The following LMO7 variants were observed in gnomAD, a reference collection of about 807,000 sequenced individuals.
LMO7 encodes LIM domain 7.
LMO7 carries 120 observed loss-of-function variants against 206.5 expected under a neutral mutation model. The observed-to-expected ratio is 0.58, with a 90% CI of 0.50 to 0.68. The LOEUF (loss-of-function observed/expected upper bound fraction) is 0.68, where lower values mean the gene tolerates loss of function less well. LMO7 is among the 30% of genes least tolerant of loss of function. The probability of loss-of-function intolerance (pLI) is 0.00; values close to 1 mark genes in which losing one functional copy is unlikely to be tolerated. For missense variants in LMO7, 1,959 were observed against 1,957.9 expected (o/e 1.00, Z -0.01); for synonymous variants, 706 against 681.5 (o/e 1.04, Z -0.56).
chr13:75,722,139 T>C (rs563313705), intron 2 of LMO7, among the ~76,000 whole-genome samples: 82 of 152,290 alleles, frequency 5.4e-4, no homozygotes, highest in African/African-American at 1.9e-3. Context: ...TTCTAGACAT[T>C]GGCTTAGGCA....
In LMO7 at chr13:75,853,207, C is replaced by T. The variant is rs1566624368; in HGVS notation, c.4480C>T (p.Pro1494Ser). Residue 1494 changes from proline (P) to serine (S), a missense_variant, in exon 28 of 31, where the codon CCA becomes TCA. Coordinates refer to ENST00000377534, the MANE Select transcript of LMO7 (RefSeq NM_001306080.2). ...ASSSVQDFSR[P>S]PPQLVSTSNR... is the part of the protein sequence containing the mutation. ...TTCCTCTGTGCAAGACTTTAGTCGC[C>T]CACCACCTCAGCTGGTGTCCACATC... 1.9e-6 allele frequency: 3 copies of T among 1,614,130 alleles called. No individual in the cohort carries two copies. Among genetic ancestry groups the T allele is most frequent in the Admixed American group, 1.7e-5 (1 of 60,022 alleles).
chr13:75,783,910 G>A (rs1331119627), intron 4 of LMO7, among the ~76,000 whole-genome samples: 2 of 152,084 alleles, frequency 1.3e-5, no homozygotes. Flanking sequence ...GTCTTTAAAT[G>A]AGCCTTTCAG....
intron 1 of LMO7, among the ~76,000 whole-genome samples, chr13:75,680,104 T>A (rs1009002458): frequency 2.0e-5 from 3 of 152,214 alleles, no homozygotes; most frequent in African/African-American, 7.2e-5. Flanking sequence ...TGTGTCCATG[T>A]GTTCTCATTG....
chr13:75,761,359 G>A (rs1381559432), intron 4 of LMO7, among the ~76,000 whole-genome samples: 1 of 152,082 alleles, frequency 6.6e-6, no homozygotes, highest in Non-Finnish European at 1.5e-5. Flanking sequence ...AGTGAATTTA[G>A]GGGTTATATT....
intron 19 of LMO7, among the ~76,000 whole-genome samples, chr13:75,837,917 T>C (rs1019980188): frequency 2.6e-5 from 4 of 152,214 alleles, no homozygotes; most frequent in Admixed American, 6.5e-5. Flanking sequence ...CTAAAGTTTA[T>C]TAATAAAAAT....
chr13:75,712,643 C>T (rs901862177), intron 1 of LMO7, among the ~76,000 whole-genome samples: 12 of 152,100 alleles, frequency 7.9e-5, no homozygotes, highest in African/African-American at 2.9e-4. Context: ...AGTCTTCTCC[C>T]CAGGATGTTT....
chr13:75,809,871 G>A (rs960933103), intron 11 of LMO7, among the ~76,000 whole-genome samples: 16 of 129,568 alleles, frequency 1.2e-4, no homozygotes, highest in African/African-American at 3.9e-4. Flanking sequence ...TCGCTCTGTC[G>A]CCCAGGCTGG....
intron 1 of LMO7, among the ~76,000 whole-genome samples, chr13:75,662,432 C>T (rs1249726888): frequency 2.0e-5 from 3 of 152,366 alleles, no homozygotes; most frequent in African/African-American, 7.2e-5. Flanking sequence ...GATCCTCCCA[C>T]CTCAGCCTCC....
chr13:75,846,868 CA>C (rs1167654178), intron 26 of LMO7, among the ~76,000 whole-genome samples: 1 of 151,664 alleles, frequency 6.6e-6, no homozygotes, highest in Non-Finnish European at 1.5e-5. Flanking sequence ...CCATCTCTAC[CA>C]AAAATACAAA....
At chr13:75,777,506 A>G (rs1326027540) in intron 4 of LMO7, among the ~76,000 whole-genome samples, 1 of 152,174 alleles carries the variant, frequency 6.6e-6, no homozygotes, top group South Asian at 2.1e-4. Flanking sequence ...CTATTTACAC[A>G]TCACTACTTT....
In LMO7 at chr13:75,853,081, TTG is replaced by T. The variant is rs764649629; in HGVS notation, c.4365-7_4365-6del. The T allele has an allele frequency of 6.3e-7, 1 of 1,577,054 alleles. No individual in the cohort carries two copies. Among genetic ancestry groups the T allele is most frequent in the Non-Finnish European group, 8.6e-7 (1 of 1,159,454 alleles). On this transcript the variant is annotated splice_polypyrimidine_tract_variant and intron_variant, in intron 27 of 30. Transcript: ENST00000377534. ...GTCACATTATTTTGATGAGTCTTTT[TTG>T]TGTTTCAGAGGCGAATCTTTAGATA...
At chr13:75,623,364 A>G in intron 2 of LMO7, 1 of 1,100,310 alleles carries the variant, frequency 9.1e-7, no homozygotes, top group Non-Finnish European at 1.4e-6. Flanking sequence ...AGAAAGGCCA[A>G]AGCATTTTTT....
chr13:75,783,505 A>G lies in LMO7; in HGVS notation c.318-11896A>G, dbSNP rs184784438. ...GCCCAGCTAATTTTTGTATTTTTGG[A>G]AGAGAAGGGGTTTCATCATGTTGGC... On this transcript the variant is annotated intron_variant, in intron 4 of 30. Transcript: ENST00000377534. 9.2e-5 allele frequency among the ~76,000 whole-genome samples: 14 copies of G among 152,142 alleles called. No homozygotes were observed. The East Asian group carries it at 2.7e-3, about 29-fold the overall frequency.
chr13:75,676,610 A>G (rs1285925900), intron 1 of LMO7, among the ~76,000 whole-genome samples: 1 of 152,214 alleles, frequency 6.6e-6, no homozygotes, highest in East Asian at 1.9e-4. Context: ...TCTCCTCTGA[A>G]TAAGACGTTC....
chr13:75,702,504 T>G (rs528045151), intron 1 of LMO7, among the ~76,000 whole-genome samples: 1 of 152,332 alleles, frequency 6.6e-6, no homozygotes, highest in African/African-American at 2.4e-5. Flanking sequence ...ATATTAGTAT[T>G]GGCAAAAATA....
intron 2 of LMO7, among the ~76,000 whole-genome samples, chr13:75,713,767 C>G (rs2138135187): frequency 6.6e-6 from 1 of 152,242 alleles, no homozygotes; most frequent in South Asian, 2.1e-4. Context: ...GAGAACCACA[C>G]CCCAGACTTT....
chr13:75,819,538 A>G lies in LMO7; in HGVS notation c.2207+3A>G, dbSNP rs779173130. ...TTTAAGGAAATGCTGCAGGACAGGT[A>G]ATAATGCTGAATGCACCTCGGTTGT... On this transcript the variant is annotated splice_donor_region_variant and intron_variant, in intron 13 of 30. Coordinates refer to ENST00000377534, the MANE Select transcript of LMO7 (RefSeq NM_001306080.2). The G allele has an allele frequency of 1.9e-6, 3 of 1,574,460 alleles. No homozygotes were observed. Among genetic ancestry groups the G allele is most frequent in the South Asian group, 2.4e-5 (2 of 83,178 alleles).
rs1159054973 is a variant in LMO7, at chr13:75,853,371, C to A, written c.4644C>A (p.Gly1548=). 1.2e-6 allele frequency: 2 copies of A among 1,605,952 alleles called. No individual in the cohort carries two copies. The highest frequency in any genetic ancestry group is 1.1e-5 in the South Asian group (1 of 89,890). ...ATTCCCCTTCAGCTTCACAGTCAGG[C>A]TCTCAGCTGCGTAACAGGTGAGGCC... The part of the protein sequence containing the change: ...RSHSPSASQS[G]SQLRNRSVSG... Residue 1548 remains glycine (G), a synonymous_variant, in exon 28 of 31, where the codon GGC becomes GGA. Coordinates refer to ENST00000377534, the MANE Select transcript of LMO7 (RefSeq NM_001306080.2).
chr13:75,633,160 G>A (rs34317046), upstream of LMO7, among the ~76,000 whole-genome samples: 4,905 of 152,040 alleles, frequency 0.032, 102 homozygotes, highest in Middle Eastern at 0.058. Context: ...ACTGTGCCTC[G>A]CCGCACTTAA....
Sources: allele counts gnomAD v4.1 joint callset (sites outside exome capture counted in the v4.1 genomes callset), GRCh38; gene constraint gnomAD v4.1.1; transcripts MANE v1.5; gene names NCBI Gene and HGNC (gene_info 2026-07-23, HGNC 2026-07-21).